ZNG1F: variants seen among roughly 807,000 people sequenced by gnomAD.
The protein encoded by ZNG1F is zinc-regulated GTPase metalloprotein activator 1F.
chr9:41,155,229 A>T, the ZNG1F span, among the ~76,000 whole-genome samples: 1 of 151,078 alleles, frequency 6.6e-6, no homozygotes, highest in Non-Finnish European at 1.5e-5. Flanking sequence ...GAAGACATTT[A>T]TGCCACCAAA....
At chr9:41,183,516 C>T in the ZNG1F span, 1 of 1,508,856 alleles carries the variant, frequency 6.6e-7, no homozygotes, top group Non-Finnish European at 8.9e-7. Flanking sequence ...GAAATATAAT[C>T]AATAAACATT....
the ZNG1F span, among the ~76,000 whole-genome samples, chr9:41,187,642 A>G: frequency 6.8e-6 from 1 of 147,988 alleles, no homozygotes; most frequent in Non-Finnish European, 1.5e-5. Flanking sequence ...AAGACTCCAG[A>G]TTAGTCAGGA....
chr9:41,183,881 G>A, the ZNG1F span, among the ~76,000 whole-genome samples: 2 of 147,824 alleles, frequency 1.4e-5, no homozygotes, highest in Non-Finnish European at 3.0e-5. Context: ...CCCTGAAAAA[G>A]ACACATCCTA....
chr9:41,201,897 A>G, the ZNG1F span, among the ~76,000 whole-genome samples: 16 of 151,126 alleles, frequency 1.1e-4, no homozygotes, highest in African/African-American at 3.6e-4. Context: ...AAGTGGACAA[A>G]TTAAATTTTC....
chr9:41,183,584 A>T, the ZNG1F span: 1 of 1,596,608 alleles, frequency 6.3e-7, no homozygotes, highest in Non-Finnish European at 8.5e-7. Context: ...AGCAGAGGCA[A>T]CCGTTTCTAA....
At chr9:41,132,216 T>C in the ZNG1F span, 8 of 1,600,712 alleles carry the variant, frequency 5.0e-6, no homozygotes, top group Non-Finnish European at 6.8e-6. Flanking sequence ...CTGTGAATCC[T>C]TTGAGACTTA....
the ZNG1F span, among the ~76,000 whole-genome samples, chr9:41,185,634 C>T: frequency 2.6e-5 from 4 of 151,886 alleles, no homozygotes; most frequent in African/African-American, 9.7e-5. Context: ...GATTGCACCA[C>T]TGCACTCCAG....
the ZNG1F span, chr9:41,156,603 A>T: frequency 1.1e-5 from 2 of 189,812 alleles, 1 homozygote; most frequent in Non-Finnish European, 1.9e-5. Flanking sequence ...ATTGAAAATT[A>T]TTTGGTTATT....
chr9:41,141,181 C>G, the ZNG1F span, among the ~76,000 whole-genome samples: 3 of 151,622 alleles, frequency 2.0e-5, no homozygotes, highest in African/African-American at 7.3e-5. Flanking sequence ...AGATGTTTTC[C>G]TACACCAATA....
At chr9:41,169,220 A>C in the ZNG1F span, among the ~76,000 whole-genome samples, 1 of 151,212 alleles carries the variant, frequency 6.6e-6, no homozygotes. Flanking sequence ...CTACCTTCCC[A>C]AATCAAACTC....
the ZNG1F span, among the ~76,000 whole-genome samples, chr9:41,175,146 A>C: frequency 1.5e-4 from 22 of 146,650 alleles, no homozygotes; most frequent in African/African-American, 5.6e-4. Flanking sequence ...CTCATTCCAA[A>C]GTCTAAAGCT....
the ZNG1F span, among the ~76,000 whole-genome samples, chr9:41,155,097 C>T: frequency 6.6e-6 from 1 of 150,718 alleles, no homozygotes; most frequent in Non-Finnish European, 1.5e-5. Flanking sequence ...ATTTTCGCAA[C>T]CTACTCATCT....
chr9:41,195,650 G>T, the ZNG1F span, among the ~76,000 whole-genome samples: 1 of 123,316 alleles, frequency 8.1e-6, no homozygotes, highest in African/African-American at 2.8e-5. Context: ...GACAAGTTGA[G>T]TGGTGCACCA....
the ZNG1F span, chr9:41,163,996 G>GA: frequency 1.6e-5 from 1 of 64,160 alleles, no homozygotes; most frequent in Non-Finnish European, 3.3e-5. Context: ...GAAATATGTG[G>GA]AAAAAATATG....
the ZNG1F span, among the ~76,000 whole-genome samples, chr9:41,193,063 A>C: frequency 7.0e-6 from 1 of 142,900 alleles, no homozygotes; most frequent in African/African-American, 2.5e-5. Context: ...GGTAAATACT[A>C]TTTGTGTGCC....
the ZNG1F span, chr9:41,157,283 G>A: frequency 1.4e-5 from 2 of 143,860 alleles, no homozygotes; most frequent in Non-Finnish European, 3.0e-5. Flanking sequence ...GGACAACGTG[G>A]TGAAACCCTG....
At chr9:41,184,074 C>T in the ZNG1F span, among the ~76,000 whole-genome samples, 1 of 151,098 alleles carries the variant, frequency 6.6e-6, no homozygotes, top group African/African-American at 2.4e-5. Context: ...TCTTTTCATT[C>T]TTCTTCTAAA....
chr9:41,203,187 T>C, the ZNG1F span, among the ~76,000 whole-genome samples: 1 of 152,220 alleles, frequency 6.6e-6, no homozygotes, highest in African/African-American at 2.4e-5. Flanking sequence ...GTCAGCAGGG[T>C]TCTGCCACAA....
chr9:41,140,420 C>G, the ZNG1F span, among the ~76,000 whole-genome samples: 2 of 9,074 alleles, frequency 2.2e-4, 1 homozygote, highest in African/African-American at 2.4e-4. Context: ...CAGTGCATGA[C>G]TATACTTATT....
Sources: allele counts gnomAD v4.1 joint callset (sites outside exome capture counted in the v4.1 genomes callset), GRCh38; gene constraint gnomAD v4.1.1; transcripts MANE v1.5; gene names NCBI Gene and HGNC (gene_info 2026-07-23, HGNC 2026-07-21).